The following AGAP1 variants were observed in gnomAD, a reference collection of about 807,000 sequenced individuals.
The protein encoded by AGAP1 is arf-GAP with GTPase, ANK repeat and PH domain-containing protein 1.
AGAP1 carries 29 observed loss-of-function variants against 105.3 expected under a neutral mutation model. The observed-to-expected ratio is 0.28, with a 90% confidence interval of 0.21 to 0.38. AGAP1 has a LOEUF of 0.38. Among genes scored for constraint, AGAP1 ranks in the 10% least tolerant of loss-of-function variants. The pLI is 1.00. For missense variants in AGAP1, 998 were observed against 1,165.1 expected, an observed-to-expected ratio of 0.86 and a Z score of 2.09; for synonymous variants, 509 against 485.9, an observed-to-expected ratio of 1.05 and a Z score of -0.63.
chr2:235,948,281 C>A (rs1334623809), intron 12 of AGAP1, among the ~76,000 whole-genome samples: 3 of 150,758 alleles, frequency 2.0e-5, no homozygotes. Flanking sequence ...CTCCTGGGCT[C>A]AAGGGATCCT....
At chr2:235,634,913 C>T (rs930489177) in intron 1 of AGAP1, among the ~76,000 whole-genome samples, 3 of 152,194 alleles carry the variant, frequency 2.0e-5, no homozygotes, top group East Asian at 1.9e-4. Context: ...GTTCCATGTA[C>T]GAGTGGATGG....
rs754799559 is a variant in AGAP1, at chr2:235,740,984, T to C, written c.332T>C (p.Ile111Thr). 19 of 1,614,038 alleles carry C rather than the reference T, an allele frequency of 1.2e-5. No individual in the cohort carries two copies. In the African/African-American group the frequency reaches 1.9e-4, roughly 16 times the overall value. The change falls in exon 4 of 18, where the codon ATT becomes ACT. Residue 111 changes from isoleucine (I) to threonine (T), a missense_variant. Ile to Thr is a moderately conservative substitution (Grantham distance 89). Transcript: ENST00000304032. The surrounding 1 kb of genome is among the most constrained non-coding windows in gnomAD (Gnocchi z 5.7). ...SPEGGRFKKE[I>T]VVDGQSYLLL... ...GCAGGTGGCAGGTTCAAGAAAGAGATTGTCGTTGATGGACAGAGCTATCTG... is the reference window on the plus strand; with the variant it reads ...GCAGGTGGCAGGTTCAAGAAAGAGACTGTCGTTGATGGACAGAGCTATCTG...
At chr2:235,876,399 G>A (rs1031651024) in intron 9 of AGAP1, among the ~76,000 whole-genome samples, 3 of 152,060 alleles carry the variant, frequency 2.0e-5, no homozygotes, top group Admixed American at 6.5e-5. Context: ...ATTATAACCC[G>A]GCCCTTGCGT....
At position 236,082,609 on chromosome 2, in the gene AGAP1, C is replaced by T. The variant is rs533695907; in HGVS notation, c.2114+33328C>T. 3.9e-5 allele frequency among the ~76,000 whole-genome samples: 6 copies of T among 152,262 alleles called. No individual in the cohort carries two copies. Among genetic ancestry groups the T allele is most frequent in the South Asian group, 2.1e-4 (1 of 4,834 alleles). On this transcript the variant is annotated intron_variant, in intron 16 of 17. Transcript: ENST00000304032. This position sits in a 1 kb window ranked among gnomAD's most constrained non-coding sequence, Gnocchi z 4.2. ...GAAAAGAGGGCCAGGTGCAACGGCT[C>T]ACGCCTGTAATCCCAACACTTTGGG... is the stretch of plus-strand genomic sequence containing the variant.
At chr2:235,926,002 T>C (rs1037712143) in intron 11 of AGAP1, among the ~76,000 whole-genome samples, 1 of 152,234 alleles carries the variant, frequency 6.6e-6, no homozygotes, top group Admixed American at 6.5e-5. Flanking sequence ...TACAGTGATT[T>C]TAAACAGAGG....
At position 236,120,586 on chromosome 2, in the gene AGAP1, G is replaced by A. The variant is rs1283854444; in HGVS notation, c.2370+139G>A. 6.9e-7 allele frequency: 1 copy of A among 1,457,792 alleles called. No individual in the cohort carries two copies. Among genetic ancestry groups the A allele is most frequent in the African/African-American group, 1.4e-5 (1 of 71,218 alleles). 90.3% of individuals were successfully genotyped at this position (1,457,792 alleles called of 1,614,324 possible). ...GAAACAGTTCCTAATGGGAAACTCT[G>A]ATTGAAGAGCAGAGGGCCTTACGGA... On this transcript the variant is annotated intron_variant, in intron 17 of 17. Transcript: ENST00000304032. The surrounding 1 kb of genome is among the most constrained non-coding windows in gnomAD (Gnocchi z 6.0).
rs969908743 is a variant in AGAP1, at chr2:235,553,530, CATT to C, written c.163+58682_163+58684del. ...AAACAATTGCTTCTGCTAGAATCAT[CATT>C]GTCAATATTAAGAAGGCGAGTCCAC... On this transcript the variant is annotated intron_variant, in intron 1 of 17. Coordinates refer to ENST00000304032, the MANE Select transcript of AGAP1 (RefSeq NM_001037131.3). This position sits in a 1 kb window ranked among gnomAD's most constrained non-coding sequence, Gnocchi z 4.5. Among the ~76,000 whole-genome samples the C allele has an allele frequency of 1.2e-4, 18 of 152,242 alleles. No individual in the cohort carries two copies. The highest frequency in any genetic ancestry group is 4.3e-4 in the African/African-American group (18 of 41,552).
rs1020807752 is a variant in AGAP1 at position 236,020,855 on chromosome 2, G to A, written c.1646-15706G>A. Among the ~76,000 whole-genome samples, 4 of 152,160 alleles carry A rather than the reference G, an allele frequency of 2.6e-5. No individual in the cohort carries two copies. The highest frequency in any genetic ancestry group is 4.8e-5 in the African/African-American group (2 of 41,434). On this transcript the variant is annotated intron_variant, in intron 13 of 17. Transcript: ENST00000304032. The surrounding 1 kb of genome is among the most constrained non-coding windows in gnomAD (Gnocchi z 5.0). ...CAAAGCCACCCCTCCTCAGTGATGA[G>A]CAGCACCAACTAAGAACTAATGCAG...
intron 1 of AGAP1, among the ~76,000 whole-genome samples, chr2:235,682,882 G>A (rs1472502157): frequency 6.6e-6 from 1 of 151,854 alleles, no homozygotes; most frequent in Non-Finnish European, 1.5e-5. Flanking sequence ...TAGTTCTTTT[G>A]TTGATGGACT....
intron 1 of AGAP1, among the ~76,000 whole-genome samples, chr2:235,532,413 A>G (rs1393851547): frequency 1.3e-5 from 2 of 152,096 alleles, no homozygotes; most frequent in Admixed American, 1.3e-4. Flanking sequence ...ATGGGGTTTC[A>G]CCCAGAATGG....
chr2:236,051,619 G>A lies in AGAP1; in HGVS notation c.2114+2338G>A, dbSNP rs770801608. Among the ~76,000 whole-genome samples the A allele has an allele frequency of 2.0e-5, 3 of 152,182 alleles. No individual in the cohort carries two copies. Among genetic ancestry groups the A allele is most frequent in the Non-Finnish European group, 4.4e-5 (3 of 68,028 alleles). On this transcript the variant is annotated intron_variant, in intron 16 of 17. Coordinates refer to ENST00000304032, the MANE Select transcript of AGAP1 (RefSeq NM_001037131.3). This position sits in a 1 kb window ranked among gnomAD's most constrained non-coding sequence, Gnocchi z 5.9. ...TGGACGGGAGCCTCCCATGAATGAGGAGGAGCAGGAATGGGGGAGGCCCAA... is the reference window on the plus strand; with the variant it reads ...TGGACGGGAGCCTCCCATGAATGAGAAGGAGCAGGAATGGGGGAGGCCCAA...
chr2:235,837,564 CAGAATG>C (rs1372193719), intron 9 of AGAP1, among the ~76,000 whole-genome samples: 1 of 152,080 alleles, frequency 6.6e-6, no homozygotes, highest in Non-Finnish European at 1.5e-5. Context: ...AACTCAGGTG[CAGAATG>C]AGGATGATAG....
In AGAP1 at chr2:235,582,998, A is replaced by G. The variant is rs1459668889; in HGVS notation, c.163+88149A>G. Among the ~76,000 whole-genome samples the G allele has an allele frequency of 6.6e-6, 1 of 152,184 alleles. No individual in the cohort carries two copies. Among genetic ancestry groups the G allele is most frequent in the African/African-American group, 2.4e-5 (1 of 41,430 alleles). ...CCTGCCAAGGACCCCTGTGTGTTAA[A>G]GTTGAAATAGTTCCCTAGTAAACTG... On this transcript the variant is annotated intron_variant, in intron 1 of 17. Transcript: ENST00000304032. This position sits in a 1 kb window ranked among gnomAD's most constrained non-coding sequence, Gnocchi z 4.7.
intron 1 of AGAP1, among the ~76,000 whole-genome samples, chr2:235,603,807 A>G (rs1312169888): frequency 6.6e-6 from 1 of 152,104 alleles, no homozygotes; most frequent in African/African-American, 2.4e-5. Flanking sequence ...TCGGTTATGC[A>G]ACATTTCATG....
At chr2:236,052,055 C>T (rs766915914) in intron 16 of AGAP1, among the ~76,000 whole-genome samples, 5 of 152,208 alleles carry the variant, frequency 3.3e-5, no homozygotes, top group Non-Finnish European at 5.9e-5. Flanking sequence ...TCCGCCCCTC[C>T]TGGTCTCTCT....
Position 235,635,447 on chromosome 2 carries a change from G to A in AGAP1, c.164-73732G>A, listed in dbSNP as rs879161072. Among the ~76,000 whole-genome samples, 2 of 152,138 alleles carry A rather than the reference G, an allele frequency of 1.3e-5. No homozygotes were observed. Among genetic ancestry groups the A allele is most frequent in the Admixed American group, 1.3e-4 (2 of 15,272 alleles). ...GGAAAACAAATTACTCTGAAAATTT[G>A]TCATTTTGGTGTGGTGAATTCGTTC... On this transcript the variant is annotated intron_variant, in intron 1 of 17. Coordinates refer to ENST00000304032, the MANE Select transcript of AGAP1 (RefSeq NM_001037131.3). The surrounding 1 kb of genome is among the most constrained non-coding windows in gnomAD (Gnocchi z 5.3).
rs937370018 is a variant in AGAP1, at chr2:235,907,755, C to G, written c.1156-983C>G. ...TTTATATATAACCTGCACACATTCTCCCGTATACCTTAAATCATCCCTAGA... is the reference window on the plus strand; with the variant it reads ...TTTATATATAACCTGCACACATTCTGCCGTATACCTTAAATCATCCCTAGA... On this transcript the variant is annotated intron_variant, in intron 10 of 17. Transcript: ENST00000304032. 2.0e-5 allele frequency among the ~76,000 whole-genome samples: 3 copies of G among 152,148 alleles called. No homozygotes were observed. The East Asian group carries it at 5.8e-4, about 29-fold the overall frequency.
chr2:235,763,487 A>C (rs942006281), intron 6 of AGAP1, among the ~76,000 whole-genome samples: 7 of 152,190 alleles, frequency 4.6e-5, no homozygotes, highest in African/African-American at 1.7e-4. Context: ...TATTTGATTT[A>C]GATGAGTGCT....
chr2:235,699,326 G>GT (rs1425321374), intron 1 of AGAP1, among the ~76,000 whole-genome samples: 3 of 152,182 alleles, frequency 2.0e-5, no homozygotes, highest in Admixed American at 2.0e-4. Flanking sequence ...AGAGCCTGAT[G>GT]TATTTGTAAG....
Sources: gnomAD v4.1 joint callset for allele counts (sites outside exome capture counted in the v4.1 genomes callset) on GRCh38, gnomAD v4.1.1 for gene constraint, Gnocchi (gnomAD v3.1) non-coding constraint, MANE v1.5 for transcripts, NCBI Gene and HGNC (gene_info 2026-07-23, HGNC 2026-07-21) for gene names.